The following AP3B1 variants were observed in gnomAD, a reference collection of about 807,000 sequenced individuals.
AP3B1 encodes AP-3 complex subunit beta-1.
AP3B1 carries 61 observed loss-of-function variants against 132.5 expected under a neutral mutation model. The ratio of observed to expected loss-of-function variants is 0.46; its 90% confidence interval spans 0.37 to 0.57. The LOEUF is 0.57. AP3B1 is among the 20% of genes least tolerant of loss of function. The probability of loss-of-function intolerance (pLI) is 0.00; values close to 1 mark genes in which losing one functional copy is unlikely to be tolerated. For missense variants in AP3B1, 1,120 were observed against 1,289.4 expected (o/e 0.87, Z 2.01); for synonymous variants, 388 against 438.3 (o/e 0.89, Z 1.43).
intron 22 of AP3B1, among the ~76,000 whole-genome samples, chr5:78,082,909 G>A (rs188206519): frequency 2.7e-3 from 415 of 152,034 alleles, no homozygotes; most frequent in Admixed American, 4.3e-3. Context: ...TCCGCCTTCC[G>A]GGTTTAAGCA....
intron 1 of AP3B1, among the ~76,000 whole-genome samples, chr5:78,290,970 C>A (rs1207684761): frequency 2.0e-5 from 3 of 151,874 alleles, no homozygotes; most frequent in African/African-American, 7.3e-5. Context: ...AATAAGAGTA[C>A]AAAAATAAGT....
At chr5:78,108,493 T>C (rs1169172303) in intron 20 of AP3B1, among the ~76,000 whole-genome samples, 3 of 152,194 alleles carry the variant, frequency 2.0e-5, no homozygotes, top group Non-Finnish European at 2.9e-5. Context: ...CACAGTCCTG[T>C]ATGCCTATTA....
At chr5:78,268,035 AGAG>A (rs1748399133) in intron 1 of AP3B1, among the ~76,000 whole-genome samples, 1 of 152,228 alleles carries the variant, frequency 6.6e-6, no homozygotes, top group African/African-American at 2.4e-5. Context: ...GGTGACCAGT[AGAG>A]AAGACAAAAT....
rs1488445424 is a variant in AP3B1 at position 78,189,585 on chromosome 5, T to C, written c.787-7923A>G. ...ATTTTTTTACAGTTTTAAAAAATTA[T>C]GCGGCCAGGCATGGTGGCTCACACC... On this transcript the variant is annotated intron_variant, in intron 7 of 26. Transcript: ENST00000255194. Among the ~76,000 whole-genome samples, 3 of 152,114 alleles carry C rather than the reference T, an allele frequency of 2.0e-5. No individual in the cohort carries two copies. The East Asian group carries it at 5.8e-4, about 29-fold the overall frequency.
rs559521651 is a variant in AP3B1 at position 78,068,800 on chromosome 5, A to C, written c.2577+20593T>G. On this transcript the variant is annotated intron_variant, in intron 22 of 26. Coordinates refer to ENST00000255194, the MANE Select transcript of AP3B1 (RefSeq NM_003664.5). The stretch of plus-strand genomic sequence containing the variant: ...CAAAACCTGTCAGAGATAACAACAA[A>C]AAAAAAAGCAAACTTCAGGCCAATA... 1.2e-3 allele frequency among the ~76,000 whole-genome samples: 188 copies of C among 152,096 alleles called. 3 individuals are homozygous for C. The East Asian group carries it at 0.02, about 16-fold the overall frequency.
chr5:78,225,465 TA>T, intron 6 of AP3B1, 76 bp downstream of exon 6: 1 of 793,662 alleles, frequency 1.3e-6, no homozygotes, highest in Non-Finnish European at 2.0e-6. Flanking sequence ...TACAACTATA[TA>T]AAATATATAA....
chr5:78,188,124 A>C (rs1440860441), intron 7 of AP3B1, among the ~76,000 whole-genome samples: 10 of 152,240 alleles, frequency 6.6e-5, no homozygotes, highest in Admixed American at 6.5e-4. Context: ...CAAAACTATA[A>C]AAACCCTAGA....
At chr5:78,236,749 A>G (rs1746896271) in intron 3 of AP3B1, among the ~76,000 whole-genome samples, 1 of 152,186 alleles carries the variant, frequency 6.6e-6, no homozygotes, top group Non-Finnish European at 1.5e-5. Flanking sequence ...TATTCCTGAT[A>G]ATACTAAGAC....
chr5:78,101,190 CA>C (rs1561407119), intron 20 of AP3B1, among the ~76,000 whole-genome samples, 165 bp from the exon 21 acceptor site: 1 of 152,066 alleles, frequency 6.6e-6, no homozygotes, highest in Non-Finnish European at 1.5e-5. Flanking sequence ...ACATTTGTCT[CA>C]ATTAGCATAT....
At chr5:78,112,614 T>C (rs1751644595) in intron 19 of AP3B1, among the ~76,000 whole-genome samples, 1 of 152,236 alleles carries the variant, frequency 6.6e-6, no homozygotes, top group Non-Finnish European at 1.5e-5. Context: ...ATGCTGATAT[T>C]AAAGCAGAAG....
At chr5:78,189,028 G>A (rs998098297) in intron 7 of AP3B1, among the ~76,000 whole-genome samples, 3 of 152,122 alleles carry the variant, frequency 2.0e-5, no homozygotes, top group Non-Finnish European at 4.4e-5. Context: ...TGAACAATGT[G>A]AACACATGGA....
intron 22 of AP3B1, among the ~76,000 whole-genome samples, chr5:78,053,441 G>A (rs1252692629): frequency 6.6e-6 from 1 of 151,996 alleles, no homozygotes; most frequent in Non-Finnish European, 1.5e-5. Flanking sequence ...CAGCACTTTG[G>A]GAGACCGAGG....
intron 25 of AP3B1, among the ~76,000 whole-genome samples, chr5:78,019,024 C>T (rs1746980366): frequency 6.6e-6 from 1 of 152,004 alleles, no homozygotes; most frequent in South Asian, 2.1e-4. Context: ...TACAGAAATG[C>T]CAAGAGACTT....
chr5:78,016,589 G>A (rs530955993), intron 25 of AP3B1, among the ~76,000 whole-genome samples: 21 of 152,146 alleles, frequency 1.4e-4, no homozygotes, highest in African/African-American at 3.6e-4. Flanking sequence ...ACTCTGCACC[G>A]TCTGGCATAT....
At chr5:78,184,787 G>A (rs1192283331) in intron 7 of AP3B1, among the ~76,000 whole-genome samples, 2 of 151,962 alleles carry the variant, frequency 1.3e-5, no homozygotes, top group African/African-American at 4.8e-5. Flanking sequence ...AGAGACAGAG[G>A]CAAGAGTTGA....
rs1750880878 is a variant in AP3B1, at chr5:78,097,264, C to CGCCCCGTCCGGG, written c.2470+3688_2470+3689insCCCGGACGGGGC. On this transcript the variant is annotated intron_variant, in intron 21 of 26. Transcript: ENST00000255194. Reference sequence around the variant, plus strand: ...GGGGTCAGCCCCCCGCCCGGCCAGCCACCCCGTCCGGGAGGGAGGTGGGGG... The same window carrying CGCCCCGTCCGGG: ...GGGGTCAGCCCCCCGCCCGGCCAGCCGCCCCGTCCGGGACCCCGTCCGGGAGGGAGGTGGGGG... 2.6e-5 allele frequency among the ~76,000 whole-genome samples: 2 copies of CGCCCCGTCCGGG among 77,722 alleles called. 1 individual carries two copies. The highest frequency in any genetic ancestry group is 1.3e-4 in the African/African-American group (2 of 14,992). 51.0% of individuals were successfully genotyped at this position (77,722 alleles called of 152,430 possible). A position where few individuals can be genotyped will look rare whatever the true frequency, so the allele number is the denominator to read the frequency against.
At chr5:78,124,701 CTTT>C (rs1471636592) in intron 17 of AP3B1, among the ~76,000 whole-genome samples, 2 of 152,106 alleles carry the variant, frequency 1.3e-5, no homozygotes, top group Non-Finnish European at 2.9e-5. Flanking sequence ...GTATGGCTTT[CTTT>C]TATATTTATT....
chr5:78,145,427 T>G (rs1257017862), intron 14 of AP3B1, among the ~76,000 whole-genome samples: 1 of 152,136 alleles, frequency 6.6e-6, no homozygotes, highest in Non-Finnish European at 1.5e-5. Context: ...TGCCCACATC[T>G]CACAGCTGGT....
At chr5:78,213,261 A>G (rs528404091) in intron 7 of AP3B1, among the ~76,000 whole-genome samples, 1 of 152,346 alleles carries the variant, frequency 6.6e-6, no homozygotes, top group East Asian at 1.9e-4. Flanking sequence ...ATCAGAAAGC[A>G]CTGAAGACTA....
Sources: allele counts gnomAD v4.1 joint callset (sites outside exome capture counted in the v4.1 genomes callset), GRCh38; gene constraint gnomAD v4.1.1; transcripts MANE v1.5; gene names NCBI Gene and HGNC (gene_info 2026-07-23, HGNC 2026-07-21).